Variants in LINGO2 observed in about 807,000 individuals in gnomAD.
The protein encoded by LINGO2 is leucine-rich repeat and immunoglobulin-like domain-containing nogo receptor-interacting protein 2.
In LINGO2, 14 loss-of-function variants were observed where a neutral mutation model predicts 30.6. The ratio of observed to expected loss-of-function variants is 0.46; its 90% CI spans 0.30 to 0.72. The LOEUF is 0.72. LINGO2 is among the 30% of genes least tolerant of loss of function. The pLI, the probability that LINGO2 is intolerant of heterozygous loss-of-function variation, is 0.07. For synonymous variants in LINGO2, 317 were observed against 288.5 expected (o/e 1.10, Z -1.00); for missense variants, 729 against 751.7 (o/e 0.97, Z 0.35).
chr9:28,601,284 GTGTACTACA>G (rs1825458129), intron 1 of LINGO2, among the ~76,000 whole-genome samples: 1 of 152,174 alleles, frequency 6.6e-6, no homozygotes, highest in African/African-American at 2.4e-5. Flanking sequence ...CATTGCAAAT[GTGTACTACA>G]TTATCAAACT....
At chr9:28,182,861 A>C (rs1046115701) in intron 4 of LINGO2, among the ~76,000 whole-genome samples, 1 of 152,188 alleles carries the variant, frequency 6.6e-6, no homozygotes, top group Non-Finnish European at 1.5e-5. Flanking sequence ...TGTTGGTGGG[A>C]GTGTAAATTA....
intron 3 of LINGO2, among the ~76,000 whole-genome samples, chr9:28,362,760 C>T (rs183775490): frequency 2.5e-4 from 38 of 152,154 alleles, no homozygotes; most frequent in Admixed American, 1.7e-3. Flanking sequence ...TGAGCCACCA[C>T]GCCCGACCCA....
chr9:28,933,897 T>C, the LINGO2 span, among the ~76,000 whole-genome samples: 1 of 152,350 alleles, frequency 6.6e-6, no homozygotes, highest in East Asian at 1.9e-4. Context: ...TCTTAAAATA[T>C]GCATACAATT....
chr9:28,173,790 A>G (rs1828667080), intron 4 of LINGO2, among the ~76,000 whole-genome samples: 1 of 152,208 alleles, frequency 6.6e-6, no homozygotes, highest in Non-Finnish European at 1.5e-5. Flanking sequence ...AGAGACTGAT[A>G]TGTACTGTGC....
intron 3 of LINGO2, among the ~76,000 whole-genome samples, chr9:28,344,381 T>C (rs997639775): frequency 2.6e-5 from 4 of 152,104 alleles, no homozygotes; most frequent in African/African-American, 9.7e-5. Flanking sequence ...GGTTATGTTA[T>C]TAAGTGAATA....
intron 5 of LINGO2, among the ~76,000 whole-genome samples, chr9:27,956,631 G>T (rs953290829): frequency 4.6e-5 from 7 of 151,928 alleles, no homozygotes; most frequent in Non-Finnish European, 8.8e-5. Flanking sequence ...CCAATGTCTT[G>T]AAGATTTTCT....
chr9:28,310,912 A>T (rs971199259), intron 3 of LINGO2, among the ~76,000 whole-genome samples: 10 of 152,334 alleles, frequency 6.6e-5, no homozygotes, highest in African/African-American at 2.4e-4. Flanking sequence ...TTAAGAAGAA[A>T]TTTTAATGCT....
chr9:28,676,849 A>T, the LINGO2 span, among the ~76,000 whole-genome samples: 3 of 152,074 alleles, frequency 2.0e-5, no homozygotes, highest in Non-Finnish European at 4.4e-5. Context: ...TTGTGTTTAA[A>T]CTTTTAAAAG....
At chr9:29,158,806 G>A in the LINGO2 span, among the ~76,000 whole-genome samples, 2 of 152,092 alleles carry the variant, frequency 1.3e-5, no homozygotes, top group African/African-American at 2.4e-5. Context: ...GAGCAAGAGA[G>A]AGAAAGGCAG....
chr9:28,913,391 T>A, the LINGO2 span, among the ~76,000 whole-genome samples: 1 of 152,110 alleles, frequency 6.6e-6, no homozygotes, highest in East Asian at 1.9e-4. Context: ...GTAGGTTTAT[T>A]GAAATACTAA....
At chr9:29,028,842 G>C in the LINGO2 span, among the ~76,000 whole-genome samples, 1 of 152,158 alleles carries the variant, frequency 6.6e-6, no homozygotes, top group Admixed American at 6.6e-5. Flanking sequence ...AGATGGATAA[G>C]TGAGCCAGCT....
chr9:28,586,432 T>G (rs1362173574), intron 1 of LINGO2, among the ~76,000 whole-genome samples: 1 of 152,066 alleles, frequency 6.6e-6, no homozygotes, highest in African/African-American at 2.4e-5. Flanking sequence ...TGATGAGAAC[T>G]TGGCCTTTAC....
At chr9:28,989,659 C>T in the LINGO2 span, among the ~76,000 whole-genome samples, 2 of 152,098 alleles carry the variant, frequency 1.3e-5, no homozygotes, top group African/African-American at 4.8e-5. Context: ...GACTCTAGAA[C>T]TCTGAAATAA....
chr9:28,535,609 A>G (rs968184344), intron 1 of LINGO2, among the ~76,000 whole-genome samples: 3 of 152,168 alleles, frequency 2.0e-5, no homozygotes, highest in African/African-American at 7.2e-5. Flanking sequence ...CTGTCCAAAT[A>G]GATTTCCTTT....
chr9:29,204,074 A>C, the LINGO2 span, among the ~76,000 whole-genome samples: 1 of 152,214 alleles, frequency 6.6e-6, no homozygotes, highest in Non-Finnish European at 1.5e-5. Flanking sequence ...AGAAGAATGC[A>C]GATGATGATT....
Position 28,064,596 on chromosome 9 carries a change from T to C in LINGO2, c.-86-52191A>G, listed in dbSNP as rs939338698. On this transcript the variant is annotated intron_variant, in intron 4 of 5. Transcript: ENST00000379992. The stretch of plus-strand genomic sequence containing the variant: ...TAGTAATATCTGGGGCACTACCTCA[T>C]CCACTTAATTAACCCCTGGAGAGCT... Among the ~76,000 whole-genome samples, 3 of 152,224 alleles carry C rather than the reference T, an allele frequency of 2.0e-5. No individual in the cohort carries two copies. In the East Asian group the frequency reaches 5.8e-4, roughly 30 times the overall value.
chr9:29,075,910 A>G, the LINGO2 span, among the ~76,000 whole-genome samples: 1 of 152,174 alleles, frequency 6.6e-6, no homozygotes, highest in Admixed American at 6.5e-5. Flanking sequence ...TATTTTGGAC[A>G]TACGGTCTGA....
chr9:28,978,907 A>C, the LINGO2 span, among the ~76,000 whole-genome samples: 1 of 152,168 alleles, frequency 6.6e-6, no homozygotes, highest in African/African-American at 2.4e-5. Flanking sequence ...AGTCTGTAAA[A>C]GTATATAGTC....
At chr9:29,036,227 G>T in the LINGO2 span, among the ~76,000 whole-genome samples, 1 of 151,982 alleles carries the variant, frequency 6.6e-6, no homozygotes, top group South Asian at 2.1e-4. Context: ...TTTATATTCA[G>T]CCCAGAGTTA....
Sources: gnomAD v4.1 joint callset for allele counts (sites outside exome capture counted in the v4.1 genomes callset) on GRCh38, gnomAD v4.1.1 for gene constraint, MANE v1.5 for transcripts, NCBI Gene and HGNC (gene_info 2026-07-23, HGNC 2026-07-21) for gene names.